The following ADAM12 variants were observed in gnomAD, a reference collection of about 807,000 sequenced individuals.
ADAM12 encodes disintegrin and metalloproteinase domain-containing protein 12.
ADAM12 carries 70 observed loss-of-function variants against 106.4 expected under a neutral mutation model. The ratio of observed to expected loss-of-function variants is 0.66; its 90% CI spans 0.54 to 0.80. The LOEUF is 0.80. Among genes scored for constraint, ADAM12 ranks in the 30% least tolerant of loss-of-function variants. The pLI is 0.00. For synonymous variants in ADAM12, 420 were observed against 433.5 expected (o/e 0.97, Z 0.39); for missense variants, 1,010 against 1,171.9 (o/e 0.86, Z 2.02).
chr10:126,121,147 C>CTA (rs1462904744), intron 5 of ADAM12, among the ~76,000 whole-genome samples: 1 of 22,408 alleles, frequency 4.5e-5, no homozygotes, highest in Non-Finnish European at 8.0e-5. Flanking sequence ...ACTATATATA[C>CTA]TATATATACT....
intron 5 of ADAM12, among the ~76,000 whole-genome samples, chr10:126,135,010 G>A (rs971516353): frequency 6.6e-6 from 1 of 152,248 alleles, no homozygotes; most frequent in African/African-American, 2.4e-5. Flanking sequence ...ACTGTGATGT[G>A]GAAGGAAGCG....
At position 126,203,929 on chromosome 10, in the gene ADAM12, C is replaced by CGT. The variant is rs765522987; in HGVS notation, c.261-48625_261-48624insAC. The stretch of plus-strand genomic sequence containing the variant: ...GAAATCAAGCAAATCAGAGTGAGTG[C>CGT]GCGCGCGCGCGTGTGTGTGTGTGTG... On this transcript the variant is annotated intron_variant, in intron 3 of 22. Transcript: ENST00000448723. Among the ~76,000 whole-genome samples, 5 of 82,988 alleles carry CGT rather than the reference C, an allele frequency of 6.0e-5. 1 individual carries two copies. Among genetic ancestry groups the CGT allele is most frequent in the African/African-American group, 9.4e-5 (3 of 31,812 alleles). The allele number at this position is 82,988 out of a possible 152,430, so 54.4% of individuals were successfully genotyped here. A position where few individuals can be genotyped will look rare whatever the true frequency, so the allele number is the denominator to read the frequency against.
chr10:126,289,791 T>C (rs1446288913), intron 2 of ADAM12, among the ~76,000 whole-genome samples: 3 of 152,206 alleles, frequency 2.0e-5, no homozygotes, highest in African/African-American at 7.2e-5. Context: ...ACGGCAGCTG[T>C]GGGCCATGGA....
chr10:126,118,631 G>A (rs1380097237), intron 5 of ADAM12, among the ~76,000 whole-genome samples: 1 of 152,204 alleles, frequency 6.6e-6, no homozygotes, highest in East Asian at 1.9e-4. Context: ...TATTTCAATA[G>A]CCTCAGGGGT....
In ADAM12 at chr10:126,049,460, G is replaced by T; in HGVS notation, c.1719-9C>A. ...TTCCACATTTAGCATCTCTGGAAGGGTAAGAACAAACAATTCCCAAGGAGA... is the reference window on the plus strand; with the variant it reads ...TTCCACATTTAGCATCTCTGGAAGGTTAAGAACAAACAATTCCCAAGGAGA... On this transcript the variant is annotated splice_polypyrimidine_tract_variant and intron_variant, in intron 15 of 22. Coordinates refer to ENST00000448723, the MANE Select transcript of ADAM12 (RefSeq NM_001288973.2). The surrounding 1 kb of genome is among the most constrained non-coding windows in gnomAD (Gnocchi z 4.4). The T allele has an allele frequency of 1.2e-6, 2 of 1,614,142 alleles. No individual in the cohort carries two copies. The highest frequency in any genetic ancestry group is 1.7e-6 in the Non-Finnish European group (2 of 1,180,004).
At chr10:126,356,150 G>T (rs1008743631) in intron 1 of ADAM12, among the ~76,000 whole-genome samples, 1 of 152,212 alleles carries the variant, frequency 6.6e-6, no homozygotes, top group Admixed American at 6.5e-5. Context: ...TGAAGCACCA[G>T]ATAATCCCAT....
chr10:126,262,398 C>T (rs901455113), intron 3 of ADAM12, among the ~76,000 whole-genome samples: 3 of 152,178 alleles, frequency 2.0e-5, no homozygotes, highest in Non-Finnish European at 4.4e-5. Flanking sequence ...AGAGTGGCCA[C>T]TTTCCTTAAA....
intron 1 of ADAM12, among the ~76,000 whole-genome samples, chr10:126,382,694 C>T (rs572072802): frequency 6.6e-6 from 1 of 152,102 alleles, no homozygotes; most frequent in Non-Finnish European, 1.5e-5. Flanking sequence ...TAAATATCAA[C>T]AGAGAGCCAA....
intron 3 of ADAM12, among the ~76,000 whole-genome samples, chr10:126,170,182 T>C (rs1313897150): frequency 6.6e-6 from 1 of 152,186 alleles, no homozygotes; most frequent in African/African-American, 2.4e-5. Flanking sequence ...TTGACCTACA[T>C]TGAACCAAAC....
chr10:126,037,077 A>C (rs185369779), intron 20 of ADAM12, among the ~76,000 whole-genome samples: 1 of 151,968 alleles, frequency 6.6e-6, no homozygotes. Flanking sequence ...ATCAGTTTGC[A>C]TTTGTCAGAA....
rs114788194 is a variant in ADAM12 at position 126,038,277 on chromosome 10, G to A, written c.2313C>T (p.Gly771=). The part of the protein sequence containing the change: ...CQAHLGHLGK[G]LMRKPPDSYP... Reference sequence around the variant, plus strand: ...AGGAATCTGGCGGCTTCCTCATCAGGCCTTTTCCAAGGTGGCCGAGGTGAG... The same window carrying A: ...AGGAATCTGGCGGCTTCCTCATCAGACCTTTTCCAAGGTGGCCGAGGTGAG... The change falls in exon 20 of 23, where the codon GGC becomes GGT. Residue 771 remains glycine (G), a synonymous_variant. Coordinates refer to ENST00000448723, the MANE Select transcript of ADAM12 (RefSeq NM_001288973.2). 2,336 of 1,612,220 alleles carry A rather than the reference G, an allele frequency of 1.4e-3. 49 individuals are homozygous for A. In the African/African-American group the frequency reaches 0.029, roughly 20 times the overall value.
chr10:126,281,131 C>T (rs932927369), intron 2 of ADAM12, among the ~76,000 whole-genome samples: 6 of 151,946 alleles, frequency 3.9e-5, no homozygotes, highest in Non-Finnish European at 8.8e-5. Context: ...TAATATGTAC[C>T]CATTAATTAT....
chr10:126,100,204 T>G (rs1391202356), intron 9 of ADAM12, among the ~76,000 whole-genome samples: 1 of 152,138 alleles, frequency 6.6e-6, no homozygotes, highest in Non-Finnish European at 1.5e-5. Flanking sequence ...TAACGGGTGA[T>G]GCATATTGAT....
At position 126,204,556 on chromosome 10, in the gene ADAM12, T is replaced by C. The variant is rs556676878; in HGVS notation, c.261-49251A>G. 2.0e-5 allele frequency among the ~76,000 whole-genome samples: 3 copies of C among 152,342 alleles called. No homozygotes were observed. In the South Asian group the frequency reaches 6.2e-4, roughly 32 times the overall value. ...CGCTTCATGCCCTTTCTTCAGGGCA[T>C]TTTCCTCTGGGAAATCCCTCTCATC... On this transcript the variant is annotated intron_variant, in intron 3 of 22. Transcript: ENST00000448723.
chr10:126,128,405 G>A (rs1178950726), intron 5 of ADAM12, among the ~76,000 whole-genome samples: 1 of 152,220 alleles, frequency 6.6e-6, no homozygotes, highest in Non-Finnish European at 1.5e-5. Flanking sequence ...TGCCTTAGTT[G>A]GCTGCTCAGG....
At chr10:126,084,111 G>A (rs1449229592) in intron 11 of ADAM12, among the ~76,000 whole-genome samples, 1 of 152,170 alleles carries the variant, frequency 6.6e-6, no homozygotes, top group Non-Finnish European at 1.5e-5. Context: ...CTTAACTTGT[G>A]AACTTTGACC....
chr10:126,205,963 TA>T (rs1375028414), intron 3 of ADAM12, among the ~76,000 whole-genome samples: 2 of 152,310 alleles, frequency 1.3e-5, no homozygotes, highest in East Asian at 3.9e-4. Flanking sequence ...CTCAACCACA[TA>T]AAAAATAACA....
chr10:126,079,048 C>A (rs1163521601), intron 11 of ADAM12, among the ~76,000 whole-genome samples: 1 of 152,150 alleles, frequency 6.6e-6, no homozygotes, highest in African/African-American at 2.4e-5. Flanking sequence ...GCACCAGGAA[C>A]TTTCTAGAAA....
At chr10:126,161,637 C>A (rs1446955466) in intron 3 of ADAM12, among the ~76,000 whole-genome samples, 1 of 152,232 alleles carries the variant, frequency 6.6e-6, no homozygotes. Context: ...CGTCCCACAT[C>A]TTTCTCCAGC....
Sources: gnomAD v4.1 joint callset for allele counts (sites outside exome capture counted in the v4.1 genomes callset) on GRCh38, gnomAD v4.1.1 for gene constraint, Gnocchi (gnomAD v3.1) non-coding constraint, MANE v1.5 for transcripts, NCBI Gene and HGNC (gene_info 2026-07-23, HGNC 2026-07-21) for gene names.